The following C6orf163 variants were observed in gnomAD, a reference collection of about 807,000 sequenced individuals.
The protein encoded by C6orf163 is chromosome 6 open reading frame 163, also known as uncharacterized protein C6orf163.
A neutral mutation model predicts 28.4 loss-of-function variants in C6orf163; 22 were observed. That is an observed-to-expected ratio of 0.78 (90% CI 0.55 to 1.11). The LOEUF is 1.11. Ranked by LOEUF, C6orf163 falls within the 50% of genes least tolerant of loss-of-function variation. The pLI is 0.00. For missense variants in C6orf163, 342 were observed against 389.1 expected (o/e 0.88, Z 1.02); for synonymous variants, 110 against 123.6 (o/e 0.89, Z 0.73).
In C6orf163 at chr6:87,346,905, G is replaced by A. The variant is rs191615839; in HGVS notation, c.148+1658G>A. On this transcript the variant is annotated intron_variant, in intron 1 of 4. Transcript: ENST00000388923. ...CTGTACCCTTCATCCAGCTTCCATT[G>A]ATATCTTACATAATCCTGGCACTTT... Among the ~76,000 whole-genome samples the A allele has an allele frequency of 9.6e-3, 1,466 of 152,244 alleles. 35 individuals are homozygous for A. Among genetic ancestry groups the A allele is most frequent in the African/African-American group, 0.034 (1,421 of 41,534 alleles).
In C6orf163 at chr6:87,345,169, C is replaced by G. The variant is rs934122897; in HGVS notation, c.70C>G (p.Pro24Ala). The change falls in exon 1 of 5, where the codon CCT becomes GCT. Residue 24 changes from proline (P) to alanine (A), a missense_variant. Transcript: ENST00000388923. ...TTGTAATAAAATAATTCCACCAGCCCCTTTTGGAAAAACCTTCAAACGGAT... is the reference window on the plus strand; with the variant it reads ...TTGTAATAAAATAATTCCACCAGCCGCTTTTGGAAAAACCTTCAAACGGAT... ...AVCNKIIPPA[P>A]FGKTFKRIHE... 9.1e-6 allele frequency: 14 copies of G among 1,536,596 alleles called. No individual in the cohort carries two copies. In the African/African-American group the frequency reaches 1.4e-4, roughly 15 times the overall value.
chr6:87,355,404 T>C (rs1376343879), intron 3 of C6orf163, among the ~76,000 whole-genome samples: 1 of 151,676 alleles, frequency 6.6e-6, no homozygotes, highest in Non-Finnish European at 1.5e-5. Context: ...TGACAAAAAA[T>C]ACAAAAATTA....
In C6orf163 at chr6:87,365,017, C is replaced by G; in HGVS notation, c.611C>G (p.Thr204Ser). Residue 204 changes from threonine to serine, a missense_variant, in exon 5 of 5, where the codon ACC becomes AGC. Thr to Ser is a moderately conservative substitution (Grantham distance 58, BLOSUM62 1). Transcript: ENST00000388923. ...GTCACAGTTATTAAGGATGAGAAGA[C>G]CAGTGTGGCCCGACTGATGAGGGAA... is the stretch of plus-strand genomic sequence containing the variant. ...TGVTVIKDEK[T>S]SVARLMREKE... 6.4e-7 allele frequency: 1 copy of G among 1,551,510 alleles called. No individual in the cohort carries two copies. Among genetic ancestry groups the G allele is most frequent in the Non-Finnish European group, 8.7e-7 (1 of 1,146,866 alleles).
Position 87,356,405 on chromosome 6 carries a change from G to A in C6orf163, c.456G>A (p.Arg152=), listed in dbSNP as rs879158325. The change falls in exon 4 of 5, where the codon AGG becomes AGA. Residue 152 remains arginine (R), a synonymous_variant. Transcript: ENST00000388923. ...AGCGCATGGTCCACAGAATCCAAAG[G>A]ATTATGATGGAATGCCACAGAGAGA... The part of the protein sequence containing the change: ...AEQRMVHRIQ[R]IMMECHREKV... 6.4e-7 allele frequency: 1 copy of A among 1,551,614 alleles called. No homozygotes were observed. The highest frequency in any genetic ancestry group is 1.4e-5 in the African/African-American group (1 of 73,046).
chr6:87,355,536 G>T (rs567287654), intron 3 of C6orf163, among the ~76,000 whole-genome samples: 104 of 152,196 alleles, frequency 6.8e-4, no homozygotes, highest in Non-Finnish European at 6.8e-4. Flanking sequence ...CCCCCAGCCT[G>T]GGCAACAGAA....
chr6:87,349,033 G>A (rs906915150), intron 2 of C6orf163, 127 bp downstream of exon 2: 3 of 1,220,726 alleles, frequency 2.5e-6, no homozygotes, highest in African/African-American at 3.1e-5. Context: ...TGGGACATTG[G>A]GCAAGTTCTA....
chr6:87,346,162 C>T (rs942636318), intron 1 of C6orf163, among the ~76,000 whole-genome samples: 1 of 152,018 alleles, frequency 6.6e-6, no homozygotes, highest in African/African-American at 2.4e-5. Flanking sequence ...TTCCTAAGAA[C>T]TCTCACAATA....
chr6:87,362,946 TAA>T (rs1447356795), intron 4 of C6orf163, among the ~76,000 whole-genome samples: 1 of 152,252 alleles, frequency 6.6e-6, no homozygotes, highest in Non-Finnish European at 1.5e-5. Context: ...TCACAGTGGC[TAA>T]GAGCTTTTGC....
chr6:87,365,404 C>A lies in C6orf163; in HGVS notation c.*8C>A. On this transcript the variant is annotated 3_prime_UTR_variant, in exon 5 of 5. Transcript: ENST00000388923. Reference sequence around the variant, plus strand: ...AAAACAACTCTTGATTAGAAGTCTTCAGTTGAAATTCCACTACAAAAGACA... The same window carrying A: ...AAAACAACTCTTGATTAGAAGTCTTAAGTTGAAATTCCACTACAAAAGACA... The A allele has an allele frequency of 6.8e-7, 1 of 1,470,554 alleles. No homozygotes were observed. The highest frequency in any genetic ancestry group is 9.1e-7 in the Non-Finnish European group (1 of 1,093,836). 91.1% of individuals were successfully genotyped at this position (1,470,554 alleles called of 1,614,324 possible).
intron 3 of C6orf163, among the ~76,000 whole-genome samples, chr6:87,353,303 TGAAA>T (rs1402709078): frequency 6.6e-6 from 1 of 152,168 alleles, no homozygotes; most frequent in Non-Finnish European, 1.5e-5. Context: ...TAAAAATGAC[TGAAA>T]GAGTGTAATT....
At chr6:87,351,189 G>T (rs1364466989) in intron 3 of C6orf163, among the ~76,000 whole-genome samples, 1 of 152,178 alleles carries the variant, frequency 6.6e-6, no homozygotes, top group Non-Finnish European at 1.5e-5. Context: ...TACAAAATCT[G>T]CTCAAAGGAA....
chr6:87,348,228 T>A (rs1732401327), intron 1 of C6orf163: 19 of 984,368 alleles, frequency 1.9e-5, no homozygotes, highest in Non-Finnish European at 2.3e-5. Context: ...CTCTCTAGAC[T>A]TTTATTACCT....
chr6:87,348,940 CTT>C, intron 2 of C6orf163, 34 bp downstream of exon 2: 2 of 1,533,642 alleles, frequency 1.3e-6, no homozygotes, highest in South Asian at 2.4e-5. Flanking sequence ...TAAAGTCCAT[CTT>C]TACCGTTCTT....
intron 1 of C6orf163, among the ~76,000 whole-genome samples, chr6:87,346,690 GA>G (rs1272319028): frequency 6.6e-6 from 1 of 151,812 alleles, no homozygotes; most frequent in African/African-American, 2.4e-5. Flanking sequence ...ATAGAACTTT[GA>G]AAAAAAATAT....
At chr6:87,348,583 G>C in intron 1 of C6orf163, 1 of 1,299,116 alleles carries the variant, frequency 7.7e-7, no homozygotes, top group South Asian at 1.9e-5. Flanking sequence ...TGTGGACTGG[G>C]TGTGATGAGG....
chr6:87,364,734 T>G (rs1330712028), intron 4 of C6orf163, among the ~76,000 whole-genome samples: 1 of 152,148 alleles, frequency 6.6e-6, no homozygotes, highest in Non-Finnish European at 1.5e-5. Flanking sequence ...GTTAGACTAG[T>G]GGCCTCACCC....
chr6:87,348,269 A>G (rs1470586241), intron 1 of C6orf163: 1 of 984,516 alleles, frequency 1.0e-6, no homozygotes, highest in Non-Finnish European at 1.2e-6. Flanking sequence ...TATTATGGGA[A>G]TGTTATTATT....
chr6:87,359,348 G>A (rs1390506054), intron 4 of C6orf163: 2 of 152,226 alleles, frequency 1.3e-5, no homozygotes, highest in Non-Finnish European at 2.9e-5. Context: ...AGAGCCAAGG[G>A]GAGGTTCAAG....
chr6:87,349,237 G>C (rs951208293), intron 2 of C6orf163, among the ~76,000 whole-genome samples: 2 of 151,876 alleles, frequency 1.3e-5, no homozygotes, highest in Admixed American at 1.3e-4. Flanking sequence ...CCTTTATTTT[G>C]ATTTGATTGA....
Sources: allele counts gnomAD v4.1 joint callset (sites outside exome capture counted in the v4.1 genomes callset), GRCh38; gene constraint gnomAD v4.1.1; transcripts MANE v1.5; gene names NCBI Gene and HGNC (gene_info 2026-07-23, HGNC 2026-07-21).